The following SYN3 variants were observed in gnomAD, a reference collection of about 807,000 sequenced individuals.
The protein encoded by SYN3 is synapsin III.
A neutral mutation model predicts 65.8 loss-of-function variants in SYN3; 35 were observed. The ratio of observed to expected loss-of-function variants is 0.53; its 90% CI spans 0.41 to 0.70. The LOEUF is 0.70. SYN3 is among the 30% of genes least tolerant of loss of function. The pLI is 0.00. For missense variants in SYN3, 680 were observed against 749.0 expected (o/e 0.91, Z 1.08); for synonymous variants, 270 against 292.9 (o/e 0.92, Z 0.80).
intron 6 of SYN3, chr22:32,833,809 G>C (rs2047648275): frequency 2.0e-6 from 1 of 500,638 alleles, no homozygotes; most frequent in Non-Finnish European, 4.0e-6. Flanking sequence ...GCCCTAGTGA[G>C]GCTCAAATGG....
intron 6 of SYN3, among the ~76,000 whole-genome samples, chr22:32,856,667 C>T (rs1332277028): frequency 6.6e-6 from 1 of 152,158 alleles, no homozygotes. Flanking sequence ...ATGCTGGGAA[C>T]ATCTGAATTA....
intron 1 of SYN3, among the ~76,000 whole-genome samples, chr22:33,052,438 G>A (rs773755488): frequency 2.0e-5 from 3 of 151,898 alleles, no homozygotes; most frequent in African/African-American, 4.8e-5. Flanking sequence ...CTCCTCCTCC[G>A]TAGTACTACG....
rs2048766444 is a variant in SYN3 at position 32,869,042 on chromosome 22, A to G, written c.545T>C (p.Ile182Thr). The change falls in exon 5 of 14, where the codon ATC becomes ACC. Residue 182 changes from isoleucine (I) to threonine (T), a missense_variant. By Grantham distance (89) the Ile-to-Thr change is moderately conservative (BLOSUM62 -1). Coordinates refer to ENST00000358763, the MANE Select transcript of SYN3 (RefSeq NM_003490.4). ...ALGEDYRSLV[I>T]GLQYGGLPAV... ...AGGCAGCCCTCCATACTGCAGGCCG[A>G]TGACCAGGCTGCGGTAGTCTTCCCC... 2 of 1,613,996 alleles carry G rather than the reference A, an allele frequency of 1.2e-6. No homozygotes were observed. Among genetic ancestry groups the G allele is most frequent in the Non-Finnish European group, 1.7e-6 (2 of 1,179,994 alleles).
Position 33,019,590 on chromosome 22 carries a change from C to T in SYN3, c.-162-12766G>A, listed in dbSNP as rs114890566. Among the ~76,000 whole-genome samples, 475 of 152,292 alleles carry T rather than the reference C, an allele frequency of 3.1e-3. 4 individuals are homozygous for T. The highest frequency in any genetic ancestry group is 0.011 in the African/African-American group (465 of 41,556). On this transcript the variant is annotated intron_variant, in intron 1 of 13. Transcript: ENST00000358763. ...ACAGTGCAAGGCCTGACATGTCAGGCACTACATGTACTAGCTCCTGCTGTT... is the reference window on the plus strand; with the variant it reads ...ACAGTGCAAGGCCTGACATGTCAGGTACTACATGTACTAGCTCCTGCTGTT...
chr22:33,011,159 AG>A, intron 1 of SYN3, among the ~76,000 whole-genome samples: 1 of 152,142 alleles, frequency 6.6e-6, no homozygotes, highest in Non-Finnish European at 1.5e-5. Context: ...TCCGAATCTT[AG>A]GGGGGAAACA....
At chr22:32,913,111 C>T (rs1004357108) in intron 4 of SYN3, among the ~76,000 whole-genome samples, 16 of 151,842 alleles carry the variant, frequency 1.1e-4, no homozygotes, top group African/African-American at 3.6e-4. Flanking sequence ...ACTGTACTTT[C>T]TGTACAATTT....
chr22:32,585,987 T>C (rs2059024949), intron 7 of SYN3, among the ~76,000 whole-genome samples: 1 of 82,204 alleles, frequency 1.2e-5, no homozygotes, highest in Admixed American at 1.3e-4. Context: ...TATATGTATG[T>C]ATACGTATAT....
At chr22:32,735,520 GTTTTTTGT>G (rs900360437) in intron 6 of SYN3, among the ~76,000 whole-genome samples, 4 of 150,114 alleles carry the variant, frequency 2.7e-5, no homozygotes, top group Non-Finnish European at 4.5e-5. Context: ...TGTTTGTTTT[GTTTTTTGT>G]TTGTTTGTTT....
chr22:32,969,412 G>A (rs2051951328), intron 3 of SYN3, among the ~76,000 whole-genome samples: 1 of 152,208 alleles, frequency 6.6e-6, no homozygotes, highest in South Asian at 2.1e-4. Flanking sequence ...CTATGGTTCA[G>A]CACTCTATCC....
At chr22:32,599,630 T>C (rs1248713077) in intron 6 of SYN3, among the ~76,000 whole-genome samples, 1 of 152,186 alleles carries the variant, frequency 6.6e-6, no homozygotes, top group African/African-American at 2.4e-5. Flanking sequence ...GTCAAGTTTA[T>C]GTGTCTTGAC....
At chr22:32,722,658 C>T (rs1443683490) in intron 6 of SYN3, among the ~76,000 whole-genome samples, 1 of 152,212 alleles carries the variant, frequency 6.6e-6, no homozygotes. Context: ...AGATGCCTCA[C>T]AGGGGTGGGG....
At chr22:32,812,874 T>C (rs1414195722) in intron 6 of SYN3, among the ~76,000 whole-genome samples, 2 of 152,124 alleles carry the variant, frequency 1.3e-5, no homozygotes, top group Non-Finnish European at 2.9e-5. Context: ...CTGAGGAAGT[T>C]TGGAAGGTCA....
At chr22:32,783,692 C>T (rs1263388155) in intron 6 of SYN3, among the ~76,000 whole-genome samples, 1 of 152,188 alleles carries the variant, frequency 6.6e-6, no homozygotes, top group African/African-American at 2.4e-5. Context: ...GTTTGAAATT[C>T]ACCAGAACTC....
intron 6 of SYN3, among the ~76,000 whole-genome samples, chr22:32,602,656 T>C (rs1487822638): frequency 1.3e-5 from 2 of 152,108 alleles, no homozygotes; most frequent in Non-Finnish European, 2.9e-5. Flanking sequence ...GAGACGGGGT[T>C]TCACCATGTT....
At chr22:32,997,380 T>C (rs1035956059) in intron 2 of SYN3, among the ~76,000 whole-genome samples, 2 of 152,152 alleles carry the variant, frequency 1.3e-5, no homozygotes, top group Admixed American at 6.5e-5. Flanking sequence ...TGACCAACAC[T>C]CTTCAGCATC....
chr22:32,878,209 C>G (rs572361551), intron 4 of SYN3, among the ~76,000 whole-genome samples: 24 of 152,284 alleles, frequency 1.6e-4, no homozygotes, highest in African/African-American at 4.6e-4. Context: ...CAGCTTCCCC[C>G]AAAGTGGATC....
intron 2 of SYN3, among the ~76,000 whole-genome samples, chr22:33,003,127 T>C (rs2053108141): frequency 6.6e-6 from 1 of 152,230 alleles, no homozygotes; most frequent in South Asian, 2.1e-4. Context: ...GTGAGTCAAT[T>C]AAACCCGTTT....
intron 4 of SYN3, among the ~76,000 whole-genome samples, chr22:32,876,800 A>T (rs1342054007): frequency 6.6e-6 from 1 of 152,244 alleles, no homozygotes; most frequent in Non-Finnish European, 1.5e-5. Context: ...GCCTGGAAGG[A>T]GAGATGAAAA....
chr22:32,816,921 T>A (rs2047100280), intron 6 of SYN3, among the ~76,000 whole-genome samples: 1 of 152,180 alleles, frequency 6.6e-6, no homozygotes, highest in African/African-American at 2.4e-5. Context: ...ACCACCAATC[T>A]TAAGAAATGT....
Sources: allele counts gnomAD v4.1 joint callset (sites outside exome capture counted in the v4.1 genomes callset), GRCh38; gene constraint gnomAD v4.1.1; transcripts MANE v1.5; gene names NCBI Gene and HGNC (gene_info 2026-07-23, HGNC 2026-07-21).